The following NKAIN3 variants were observed in gnomAD, a reference collection of about 807,000 sequenced individuals.
NKAIN3 encodes sodium/potassium-transporting ATPase subunit beta-1-interacting protein 3.
In NKAIN3, 25 loss-of-function variants were observed where a neutral mutation model predicts 30.2. The ratio of observed to expected loss-of-function variants is 0.83; its 90% CI spans 0.60 to 1.16. The LOEUF (loss-of-function observed/expected upper bound fraction) is 1.16, where lower values mean the gene tolerates loss of function less well. NKAIN3 is among the 50% of genes most tolerant of loss of function. The pLI, the probability that NKAIN3 is intolerant of heterozygous loss-of-function variation, is 0.00. For synonymous variants in NKAIN3, 91 were observed against 89.6 expected (o/e 1.02, Z -0.09); for missense variants, 225 against 254.1 (o/e 0.89, Z 0.78).
rs543857006 is a variant in NKAIN3, at chr8:62,969,134, G to A, written c.*3727G>A. On this transcript the variant is annotated 3_prime_UTR_variant, in exon 7 of 7. Transcript: ENST00000623646. ...TGGCTCATTTGTTTTGAAGATACTC[G>A]ACACTTTGCCCTAGCAAAATATTGA... 3.3e-5 allele frequency among the ~76,000 whole-genome samples: 5 copies of A among 152,258 alleles called. No individual in the cohort carries two copies. Among genetic ancestry groups the A allele is most frequent in the African/African-American group, 4.8e-5 (2 of 41,550 alleles).
chr8:62,250,659 AG>A (rs139296918), intron 1 of NKAIN3, among the ~76,000 whole-genome samples: 1,596 of 152,316 alleles, frequency 0.01, 19 homozygotes, highest in African/African-American at 0.031. Flanking sequence ...ATAACAAGTA[AG>A]GTTTTTATGT....
intron 5 of NKAIN3, among the ~76,000 whole-genome samples, chr8:62,940,128 CA>C (rs981125727): frequency 3.4e-4 from 47 of 139,350 alleles, no homozygotes; most frequent in African/African-American, 1.3e-3. Context: ...TCAGACAAAA[CA>C]AACTTCAAAG....
intron 3 of NKAIN3, among the ~76,000 whole-genome samples, chr8:62,636,135 G>A (rs1812119956): frequency 6.6e-6 from 1 of 152,150 alleles, no homozygotes; most frequent in Admixed American, 6.6e-5. Flanking sequence ...CCTTCTTACA[G>A]TTTCAAAAAT....
chr8:62,703,395 C>A (rs1341848445), intron 3 of NKAIN3, among the ~76,000 whole-genome samples: 3 of 152,132 alleles, frequency 2.0e-5, no homozygotes, highest in Admixed American at 1.3e-4. Context: ...TAGGCTTCTA[C>A]ATATTTTCCT....
rs191474837 is a variant in NKAIN3, at chr8:62,519,225, A to G, written c.55-60314A>G. Among the ~76,000 whole-genome samples the G allele has an allele frequency of 6.9e-3, 1,058 of 152,246 alleles. 12 individuals are homozygous for G. Among genetic ancestry groups the G allele is most frequent in the Non-Finnish European group, 0.01 (707 of 67,990 alleles). On this transcript the variant is annotated intron_variant, in intron 1 of 6. Coordinates refer to ENST00000623646, the MANE Select transcript of NKAIN3 (RefSeq NM_001304533.3). ...ACTTGTATTTCAAAAGGTCAAGGAAAAGATGGAAGGAGGGTTGACTTGATA... is the reference window on the plus strand; with the variant it reads ...ACTTGTATTTCAAAAGGTCAAGGAAGAGATGGAAGGAGGGTTGACTTGATA...
chr8:62,899,891 T>A (rs1266173355), intron 4 of NKAIN3, among the ~76,000 whole-genome samples: 1 of 152,052 alleles, frequency 6.6e-6, no homozygotes, highest in African/African-American at 2.4e-5. Flanking sequence ...CACAAAGAGA[T>A]ATAAAATAAT....
intron 3 of NKAIN3, among the ~76,000 whole-genome samples, chr8:62,669,910 A>G (rs59113187): frequency 0.11 from 16,270 of 152,112 alleles, 2,165 homozygotes; most frequent in African/African-American, 0.32. Context: ...TTGATTTTTA[A>G]AATGATATAT....
downstream of NKAIN3, among the ~76,000 whole-genome samples, chr8:62,985,751 A>T (rs1477927834): frequency 6.6e-6 from 1 of 151,824 alleles, no homozygotes; most frequent in Non-Finnish European, 1.5e-5. Context: ...CATTCATCAC[A>T]GAAAAAAAAA....
chr8:62,617,280 T>C (rs1321188624), intron 3 of NKAIN3, among the ~76,000 whole-genome samples: 1 of 152,176 alleles, frequency 6.6e-6, no homozygotes, highest in Non-Finnish European at 1.5e-5. Context: ...AGGAGCTCCT[T>C]ATTAATGATA....
chr8:62,721,610 G>GAGT (rs1815095250), intron 3 of NKAIN3, among the ~76,000 whole-genome samples: 1 of 152,142 alleles, frequency 6.6e-6, no homozygotes, highest in Non-Finnish European at 1.5e-5. Context: ...TGTTGCCTTA[G>GAGT]AGTAGAGAAC....
chr8:62,635,497 T>C (rs1326976102), intron 3 of NKAIN3, among the ~76,000 whole-genome samples: 1 of 152,164 alleles, frequency 6.6e-6, no homozygotes, highest in African/African-American at 2.4e-5. Context: ...GGGAACTGCT[T>C]AGGAAAGTGC....
intron 1 of NKAIN3, among the ~76,000 whole-genome samples, chr8:62,295,283 T>A (rs566625839): frequency 6.6e-6 from 1 of 152,150 alleles, no homozygotes; most frequent in African/African-American, 2.4e-5. Context: ...TGTGGCAGTA[T>A]AAGTGTTAGA....
chr8:62,943,527 T>A (rs1007069903), intron 5 of NKAIN3, among the ~76,000 whole-genome samples: 3 of 146,640 alleles, frequency 2.0e-5, no homozygotes, highest in Admixed American at 6.7e-5. Flanking sequence ...GATCCAGCAA[T>A]CCCACTACTG....
chr8:62,651,993 A>T (rs750812937), intron 3 of NKAIN3, among the ~76,000 whole-genome samples: 1 of 152,154 alleles, frequency 6.6e-6, no homozygotes, highest in African/African-American at 2.4e-5. Flanking sequence ...CCTCTTTTTC[A>T]TTATAAATTA....
chr8:62,929,765 T>A (rs1286054603), intron 5 of NKAIN3, among the ~76,000 whole-genome samples: 1 of 152,166 alleles, frequency 6.6e-6, no homozygotes, highest in Non-Finnish European at 1.5e-5. Flanking sequence ...CCGCAGCCCA[T>A]GGGCCACATG....
chr8:62,852,427 G>T (rs1819937991), intron 4 of NKAIN3, among the ~76,000 whole-genome samples: 1 of 151,980 alleles, frequency 6.6e-6, no homozygotes, highest in Non-Finnish European at 1.5e-5. Context: ...TTGATTTTTT[G>T]AAGGGTTTTT....
intron 5 of NKAIN3, among the ~76,000 whole-genome samples, chr8:62,946,104 G>A (rs1823117803): frequency 1.3e-5 from 2 of 152,166 alleles, no homozygotes; most frequent in South Asian, 2.1e-4. Context: ...CTTCTGAAAG[G>A]TGGAGGAGAT....
intron 3 of NKAIN3, among the ~76,000 whole-genome samples, chr8:62,715,006 G>A (rs1332186895): frequency 6.6e-6 from 1 of 152,180 alleles, no homozygotes; most frequent in Non-Finnish European, 1.5e-5. Flanking sequence ...TGTACAGATA[G>A]CATGGGTGGG....
intron 3 of NKAIN3, among the ~76,000 whole-genome samples, chr8:62,606,394 A>G (rs894520399): frequency 6.6e-6 from 1 of 152,028 alleles, no homozygotes; most frequent in Non-Finnish European, 1.5e-5. Context: ...GTGCTCCTCA[A>G]CTCTAAGACC....
Sources: gnomAD v4.1 joint callset for allele counts (sites outside exome capture counted in the v4.1 genomes callset) on GRCh38, gnomAD v4.1.1 for gene constraint, MANE v1.5 for transcripts, NCBI Gene and HGNC (gene_info 2026-07-23, HGNC 2026-07-21) for gene names.